The following GPC5 variants were observed in gnomAD, a reference collection of about 807,000 sequenced individuals.
GPC5 encodes the protein glypican 5.
A neutral mutation model predicts 53.9 loss-of-function variants in GPC5; 47 were observed. That is an observed-to-expected ratio of 0.87 (90% confidence interval 0.69 to 1.11). The LOEUF is 1.11. GPC5 is among the 50% of genes most tolerant of loss of function. The pLI, the probability that GPC5 is intolerant of heterozygous loss-of-function variation, is 0.00. For missense variants in GPC5, 748 were observed against 713.1 expected (o/e 1.05, Z -0.56); for synonymous variants, 286 against 263.3 (o/e 1.09, Z -0.84).
intron 7 of GPC5, among the ~76,000 whole-genome samples, chr13:92,589,371 C>A (rs924441806): frequency 1.3e-5 from 2 of 152,162 alleles, no homozygotes; most frequent in African/African-American, 2.4e-5. Flanking sequence ...CGATTTTCTA[C>A]TGTTGTTTTT....
intron 7 of GPC5, among the ~76,000 whole-genome samples, chr13:92,513,020 T>A (rs771672637): frequency 6.6e-6 from 1 of 152,226 alleles, no homozygotes; most frequent in African/African-American, 2.4e-5. Context: ...CTGTCCTCCA[T>A]GCAGATGTGA....
At chr13:91,453,084 T>A (rs1264684792) in intron 2 of GPC5, among the ~76,000 whole-genome samples, 2 of 151,860 alleles carry the variant, frequency 1.3e-5, no homozygotes, top group Admixed American at 6.6e-5. Flanking sequence ...ATTTAACTTT[T>A]TTTTGATTTC....
intron 7 of GPC5, among the ~76,000 whole-genome samples, chr13:92,550,033 A>G (rs1882259554): frequency 6.6e-6 from 1 of 151,888 alleles, no homozygotes; most frequent in Admixed American, 6.6e-5. Flanking sequence ...TTCTTAAGCC[A>G]GAGATATCTA....
intron 2 of GPC5, among the ~76,000 whole-genome samples, chr13:91,660,050 G>A (rs1251057918): frequency 6.6e-6 from 1 of 152,198 alleles, no homozygotes; most frequent in Non-Finnish European, 1.5e-5. Flanking sequence ...CTGTTGGCAT[G>A]GGGAAACTGT....
At chr13:91,972,633 C>T (rs2040254984) in intron 6 of GPC5, among the ~76,000 whole-genome samples, 3 of 152,112 alleles carry the variant, frequency 2.0e-5, no homozygotes, top group Admixed American at 2.0e-4. Context: ...TTTAGTGCTT[C>T]CTTCAGGAGC....
At chr13:92,311,394 A>T (rs1204235066) in intron 7 of GPC5, among the ~76,000 whole-genome samples, 13 of 152,202 alleles carry the variant, frequency 8.5e-5, no homozygotes, top group Admixed American at 5.2e-4. Flanking sequence ...TACATACATT[A>T]TTTATTCAAT....
At chr13:91,808,677 C>A (rs1222708475) in intron 5 of GPC5, among the ~76,000 whole-genome samples, 1 of 152,136 alleles carries the variant, frequency 6.6e-6, no homozygotes, top group Non-Finnish European at 1.5e-5. Context: ...TTCTTTGAAA[C>A]CTCGCTGATT....
In GPC5 at chr13:92,190,539, A is replaced by C. The variant is rs1260591567; in HGVS notation, c.1561+45550A>C. On this transcript the variant is annotated intron_variant, in intron 7 of 7. Transcript: ENST00000377067. ...ATTATATATGCATATGTATGCTTATACATAAGTGAAACGAATGATAATGAT... is the reference window on the plus strand; with the variant it reads ...ATTATATATGCATATGTATGCTTATCCATAAGTGAAACGAATGATAATGAT... Among the ~76,000 whole-genome samples, 3 of 152,044 alleles carry C rather than the reference A, an allele frequency of 2.0e-5. No homozygotes were observed. In the East Asian group the frequency reaches 5.8e-4, roughly 29 times the overall value.
rs568295805 is a variant in GPC5, at chr13:92,782,479, G to A, written c.1562-83803G>A. Among the ~76,000 whole-genome samples the A allele has an allele frequency of 5.7e-4, 86 of 152,116 alleles. 1 individual carries two copies. Among genetic ancestry groups the A allele is most frequent in the Non-Finnish European group, 6.3e-4 (43 of 68,036 alleles). On this transcript the variant is annotated intron_variant, in intron 7 of 7. Transcript: ENST00000377067. ...CAGCACTGGAAGAAGGCCTGTCTGA[G>A]TCACTGAGATTTATACTGAATCCTA...
rs993134883 is a variant in GPC5, at chr13:92,143,860, A to G, written c.1402-970A>G. ...TGCTAATTGATAATATTATTTGGAA[A>G]GTCACAGAAGTAACAACCCTAAGTC... On this transcript the variant is annotated intron_variant, in intron 6 of 7. Coordinates refer to ENST00000377067, the MANE Select transcript of GPC5 (RefSeq NM_004466.6). Among the ~76,000 whole-genome samples the G allele has an allele frequency of 2.0e-5, 3 of 152,132 alleles. No individual in the cohort carries two copies. In the South Asian group the frequency reaches 6.2e-4, roughly 31 times the overall value.
chr13:92,602,237 T>TATATAAATATATATATATAAC (rs1350162848), intron 7 of GPC5, among the ~76,000 whole-genome samples: 48 of 81,676 alleles, frequency 5.9e-4, no homozygotes, highest in African/African-American at 2.3e-3. Flanking sequence ...ATATAACATA[T>TATATAAATATATATATATAAC]ATATATATAT....
chr13:91,848,654 T>C (rs2038878718), intron 5 of GPC5, among the ~76,000 whole-genome samples: 1 of 152,166 alleles, frequency 6.6e-6, no homozygotes, highest in East Asian at 1.9e-4. Context: ...GTGAGGTATA[T>C]CTGTTGTTAA....
intron 5 of GPC5, among the ~76,000 whole-genome samples, chr13:91,771,226 C>T (rs1329751332): frequency 6.6e-6 from 1 of 152,110 alleles, no homozygotes; most frequent in Non-Finnish European, 1.5e-5. Context: ...AATTCTCACC[C>T]TCAATGTTAA....
At chr13:92,596,474 TAATC>T (rs763613730) in intron 7 of GPC5, among the ~76,000 whole-genome samples, 260 of 151,968 alleles carry the variant, frequency 1.7e-3, no homozygotes, top group Admixed American at 4.0e-3. Context: ...AGTATAATAA[TAATC>T]ATTATTATTA....
intron 2 of GPC5, among the ~76,000 whole-genome samples, chr13:91,501,624 T>C (rs945558109): frequency 8.5e-5 from 13 of 152,208 alleles, no homozygotes; most frequent in African/African-American, 3.1e-4. Flanking sequence ...ATGTGCCACA[T>C]TTTCTTAATC....
intron 6 of GPC5, among the ~76,000 whole-genome samples, chr13:91,962,536 T>G (rs1168250663): frequency 2.6e-5 from 4 of 152,100 alleles, no homozygotes; most frequent in Admixed American, 6.6e-5. Context: ...CTAAAAATTT[T>G]GGGGAGGGTT....
intron 7 of GPC5, among the ~76,000 whole-genome samples, chr13:92,419,961 A>T (rs1303695701): frequency 1.3e-5 from 2 of 151,946 alleles, no homozygotes; most frequent in Non-Finnish European, 2.9e-5. Context: ...TGCTGTCAAA[A>T]CTCCAGCCAT....
At chr13:91,922,834 G>A (rs1474000686) in intron 6 of GPC5, among the ~76,000 whole-genome samples, 1 of 152,062 alleles carries the variant, frequency 6.6e-6, no homozygotes, top group East Asian at 1.9e-4. Flanking sequence ...TGAATGTTGA[G>A]CCATATCTCA....
chr13:92,587,901 T>G (rs986486030), intron 7 of GPC5, among the ~76,000 whole-genome samples: 6 of 151,992 alleles, frequency 3.9e-5, no homozygotes, highest in East Asian at 1.9e-4. Context: ...GTTTTTTTTT[T>G]GAAAGGCCTA....
Sources: allele counts gnomAD v4.1 joint callset (sites outside exome capture counted in the v4.1 genomes callset), GRCh38; gene constraint gnomAD v4.1.1; transcripts MANE v1.5; gene names NCBI Gene and HGNC (gene_info 2026-07-23, HGNC 2026-07-21).